CAMTA1: variants seen among roughly 807,000 people sequenced by gnomAD.
CAMTA1 encodes calmodulin binding transcription activator 1, also known as calmodulin-binding transcription activator 1.
A neutral mutation model predicts 170.9 loss-of-function variants in CAMTA1; 27 were observed. The ratio of observed to expected loss-of-function variants is 0.16; its 90% CI spans 0.12 to 0.22. CAMTA1 has a LOEUF of 0.22. Ranked by LOEUF, CAMTA1 falls within the 10% of genes least tolerant of loss-of-function variation. The probability of loss-of-function intolerance (pLI) is 1.00; values close to 1 mark genes in which losing one functional copy is unlikely to be tolerated. For synonymous variants in CAMTA1, 833 were observed against 891.5 expected, an observed-to-expected ratio of 0.93 and a Z score of 1.17; for missense variants, 1,619 against 2,217.2, an observed-to-expected ratio of 0.73 and a Z score of 5.42.
At position 7,029,131 on chromosome 1, in the gene CAMTA1, G is replaced by A. The variant is rs140065769; in HGVS notation, c.235-62173G>A. 3.2e-3 allele frequency among the ~76,000 whole-genome samples: 485 copies of A among 152,288 alleles called. 4 individuals carry two copies. Among genetic ancestry groups the A allele is most frequent in the African/African-American group, 0.011 (462 of 41,566 alleles). On this transcript the variant is annotated intron_variant, in intron 3 of 22. Transcript: ENST00000303635. ...GAGGGTAACAAGGATTATAGTTTGA[G>A]TATGGTGCCTGAATATGGGCGTAAT...
intron 6 of CAMTA1, among the ~76,000 whole-genome samples, chr1:7,512,377 A>G (rs971028651): frequency 2.6e-5 from 4 of 152,182 alleles, no homozygotes; most frequent in Non-Finnish European, 5.9e-5. Context: ...GGATGACAAG[A>G]TGCAATTTCA....
At chr1:7,415,395 A>C (rs1178726402) in intron 5 of CAMTA1, among the ~76,000 whole-genome samples, 1 of 151,600 alleles carries the variant, frequency 6.6e-6, no homozygotes, top group Non-Finnish European at 1.5e-5. Context: ...TGGGAGTCTA[A>C]GTCTCTTTGT....
At position 7,339,951 on chromosome 1, in the gene CAMTA1, A is replaced by G. The variant is rs141738484; in HGVS notation, c.438+90325A>G. On this transcript the variant is annotated intron_variant, in intron 5 of 22. Transcript: ENST00000303635. The stretch of plus-strand genomic sequence containing the variant: ...ATTTTCTATCTTGTCTCCAGCAGAC[A>G]TAGTGGGAAACAGACATTCAGAACC... 1.1e-3 allele frequency among the ~76,000 whole-genome samples: 168 copies of G among 152,302 alleles called. 1 individual carries two copies. The highest frequency in any genetic ancestry group is 3.8e-3 in the African/African-American group (156 of 41,572).
chr1:6,798,935 A>T (rs941620616), intron 1 of CAMTA1, among the ~76,000 whole-genome samples: 2 of 151,976 alleles, frequency 1.3e-5, no homozygotes, highest in Non-Finnish European at 2.9e-5. Flanking sequence ...CCCTGAACCA[A>T]TCAGTGATTG....
intron 6 of CAMTA1, among the ~76,000 whole-genome samples, chr1:7,477,404 G>A (rs1165999481): frequency 6.6e-6 from 1 of 152,184 alleles, no homozygotes; most frequent in African/African-American, 2.4e-5. Context: ...ATAACGTGAC[G>A]AGGAGATAAG....
At chr1:6,819,259 T>C (rs1277215228) in intron 1 of CAMTA1, among the ~76,000 whole-genome samples, 2 of 152,208 alleles carry the variant, frequency 1.3e-5, no homozygotes, top group African/African-American at 4.8e-5. Context: ...AAAAAAGATA[T>C]TTTTAGGACT....
chr1:7,348,031 C>T (rs1321582718), intron 5 of CAMTA1, among the ~76,000 whole-genome samples: 7 of 152,136 alleles, frequency 4.6e-5, no homozygotes, highest in Non-Finnish European at 1.0e-4. Context: ...GAGGACTGGA[C>T]CTCACAGCAA....
rs1464630985 is a variant in CAMTA1 at position 7,665,032 on chromosome 1, G to A, written c.2485G>A (p.Gly829Ser). 3.8e-6 allele frequency: 6 copies of A among 1,588,362 alleles called. No homozygotes were observed. Among genetic ancestry groups the A allele is most frequent in the Non-Finnish European group, 5.1e-6 (6 of 1,166,422 alleles). ...MCLPCCSPQQGSLQLSSSEGG... is the reference protein window; with the variant it reads ...MCLPCCSPQQSSLQLSSSEGG... Reference sequence around the variant, plus strand: ...CCTCCCCTGCTGTAGCCCCCAGCAGGGTAGCCTGCAGCTGAGCAGCTCGGA... The same window carrying A: ...CCTCCCCTGCTGTAGCCCCCAGCAGAGTAGCCTGCAGCTGAGCAGCTCGGA... Residue 829 changes from glycine (G) to serine (S), a missense_variant, in exon 9 of 23, where the codon GGT (glycine) becomes AGT (serine). Gly to Ser is a moderately conservative substitution (Grantham distance 56). Around this residue, in one of 8 missense-constraint regions of CAMTA1, gnomAD observed 731 missense variants for 907.6 expected, o/e 0.81. Coordinates refer to ENST00000303635, the MANE Select transcript of CAMTA1 (RefSeq NM_015215.4). This position sits in a 1 kb window ranked among gnomAD's most constrained non-coding sequence, Gnocchi z 4.3.
At chr1:6,919,764 G>A (rs762398072) in intron 3 of CAMTA1, among the ~76,000 whole-genome samples, 40 of 152,146 alleles carry the variant, frequency 2.6e-4, no homozygotes, top group Non-Finnish European at 4.1e-4. Flanking sequence ...CACCTTATGC[G>A]GATGGCAGCA....
intron 5 of CAMTA1, among the ~76,000 whole-genome samples, chr1:7,336,123 C>T (rs1455784411): frequency 6.6e-6 from 1 of 152,204 alleles, no homozygotes; most frequent in Non-Finnish European, 1.5e-5. Context: ...TGGCCATGGC[C>T]TGCCTGGACT....
chr1:7,599,058 C>T (rs1283100618), intron 6 of CAMTA1, among the ~76,000 whole-genome samples: 1 of 152,090 alleles, frequency 6.6e-6, no homozygotes, highest in South Asian at 2.1e-4. Context: ...TCTTCTAGGG[C>T]TTTTATGGTT....
intron 3 of CAMTA1, among the ~76,000 whole-genome samples, chr1:6,876,705 G>T (rs1411533358): frequency 6.6e-6 from 1 of 152,150 alleles, no homozygotes; most frequent in African/African-American, 2.4e-5. Context: ...GTCTTTCAAA[G>T]AAGTAGGTAC....
intron 6 of CAMTA1, among the ~76,000 whole-genome samples, chr1:7,616,632 A>G (rs543651241): frequency 3.3e-5 from 5 of 152,256 alleles, no homozygotes; most frequent in African/African-American, 1.2e-4. Flanking sequence ...GCTCCCTAGA[A>G]TCCTGAGGGG....
intron 3 of CAMTA1, among the ~76,000 whole-genome samples, chr1:6,836,576 T>C (rs1653205088): frequency 6.6e-6 from 1 of 151,070 alleles, no homozygotes; most frequent in Admixed American, 6.6e-5. Flanking sequence ...AGTCCACATG[T>C]GTGTGTATGT....
chr1:7,643,583 G>A (rs920093977), intron 7 of CAMTA1, among the ~76,000 whole-genome samples: 1 of 152,236 alleles, frequency 6.6e-6, no homozygotes, highest in African/African-American at 2.4e-5. Flanking sequence ...ATGAACTCCA[G>A]GGGGTGGAAA....
At chr1:7,086,572 C>T (rs757187144) in intron 3 of CAMTA1, among the ~76,000 whole-genome samples, 1 of 152,178 alleles carries the variant, frequency 6.6e-6, no homozygotes, top group Non-Finnish European at 1.5e-5. Flanking sequence ...CTCCCCATCA[C>T]CCTCTTCCCC....
At chr1:7,617,320 A>G (rs1369229803) in intron 6 of CAMTA1, among the ~76,000 whole-genome samples, 8 of 152,232 alleles carry the variant, frequency 5.3e-5, no homozygotes, top group Admixed American at 4.6e-4. Flanking sequence ...ACAGAGCACA[A>G]AAGTGTAGCA....
At chr1:7,549,039 G>C (rs1410301017) in intron 6 of CAMTA1, among the ~76,000 whole-genome samples, 2 of 141,000 alleles carry the variant, frequency 1.4e-5, no homozygotes, top group Non-Finnish European at 3.1e-5. Context: ...GATGCCCATG[G>C]AAGGTGCCCC....
rs1030361431 is a variant in CAMTA1, at chr1:7,251,115, AC to A, written c.438+1490del. On this transcript the variant is annotated intron_variant, in intron 5 of 22. Coordinates refer to ENST00000303635, the MANE Select transcript of CAMTA1 (RefSeq NM_015215.4). This position sits in a 1 kb window ranked among gnomAD's most constrained non-coding sequence, Gnocchi z 5.1. The stretch of plus-strand genomic sequence containing the variant: ...GCTGCGGGAATTCAAACTGGAAGTC[AC>A]GGCAGCTCCTGTGCCCGTAGGCCCC... Among the ~76,000 whole-genome samples the A allele has an allele frequency of 8.5e-5, 13 of 152,150 alleles. No homozygotes were observed. The highest frequency in any genetic ancestry group is 2.9e-4 in the African/African-American group (12 of 41,432).
Sources: allele counts gnomAD v4.1 joint callset (sites outside exome capture counted in the v4.1 genomes callset), GRCh38; gene constraint gnomAD v4.1.1; regional missense constraint gnomAD v4.1.1; non-coding constraint Gnocchi (gnomAD v3.1); transcripts MANE v1.5; gene names NCBI Gene and HGNC (gene_info 2026-07-23, HGNC 2026-07-21).